The following SAMTOR variants were observed in gnomAD, a reference collection of about 807,000 sequenced individuals.
SAMTOR encodes the protein S-adenosylmethionine sensor upstream of mTORC1, also known as UPF0532 protein C7orf60.
the SAMTOR span, among the ~76,000 whole-genome samples, chr7:112,934,078 T>C: frequency 6.6e-6 from 1 of 152,322 alleles, no homozygotes; most frequent in East Asian, 1.9e-4. Context: ...ATGAACACCT[T>C]CACTCTACTG....
chr7:112,844,101 A>G, the SAMTOR span, among the ~76,000 whole-genome samples: 3 of 152,256 alleles, frequency 2.0e-5, no homozygotes, highest in African/African-American at 7.2e-5. Context: ...AAAACTCTCA[A>G]TAAACTAGGC....
chr7:112,855,997 G>A, the SAMTOR span, among the ~76,000 whole-genome samples: 1 of 152,014 alleles, frequency 6.6e-6, no homozygotes, highest in Admixed American at 6.6e-5. Context: ...AGAGTGACAT[G>A]GAAATACTGA....
At chr7:112,925,390 G>A in the SAMTOR span, among the ~76,000 whole-genome samples, 12 of 152,314 alleles carry the variant, frequency 7.9e-5, no homozygotes, top group African/African-American at 2.6e-4. Flanking sequence ...TATATGTGCT[G>A]TTAATAGGAG....
At chr7:112,876,032 C>CAG in the SAMTOR span, among the ~76,000 whole-genome samples, 1 of 152,146 alleles carries the variant, frequency 6.6e-6, no homozygotes, top group African/African-American at 2.4e-5. Flanking sequence ...GCAATCTTAG[C>CAG]TCACCACAGC....
the SAMTOR span, among the ~76,000 whole-genome samples, chr7:112,898,127 C>A: frequency 6.6e-6 from 1 of 152,212 alleles, no homozygotes; most frequent in Non-Finnish European, 1.5e-5. Context: ...CTTGAACAGA[C>A]AGAAAGAAGT....
chr7:112,939,719 G>T, the SAMTOR span: 1 of 1,607,436 alleles, frequency 6.2e-7, no homozygotes. Flanking sequence ...CTGCGCACGA[G>T]CAGTATTTCG....
At chr7:112,846,691 C>T in the SAMTOR span, among the ~76,000 whole-genome samples, 14 of 152,136 alleles carry the variant, frequency 9.2e-5, no homozygotes, top group Admixed American at 6.6e-4. Flanking sequence ...AATATGTGGC[C>T]AACTTCTAAC....
chr7:112,867,156 T>C, the SAMTOR span, among the ~76,000 whole-genome samples: 1 of 152,164 alleles, frequency 6.6e-6, no homozygotes, highest in East Asian at 1.9e-4. Flanking sequence ...CTGAATGAAA[T>C]GAAAATTAAA....
the SAMTOR span, among the ~76,000 whole-genome samples, chr7:112,923,756 C>T: frequency 2.6e-5 from 4 of 151,742 alleles, no homozygotes; most frequent in Non-Finnish European, 2.9e-5. Flanking sequence ...ATGTTTATTG[C>T]GGCACTATTC....
At chr7:112,922,568 C>T in the SAMTOR span, among the ~76,000 whole-genome samples, 462 of 151,908 alleles carry the variant, frequency 3.0e-3, 5 homozygotes, top group African/African-American at 0.011. Context: ...TCTACCCAGC[C>T]GCCCATCGTC....
chr7:112,832,241 CTG>C, the SAMTOR span, among the ~76,000 whole-genome samples: 13 of 152,064 alleles, frequency 8.5e-5, no homozygotes. Flanking sequence ...TCTCAAACTC[CTG>C]ACCTCAGGTG....
chr7:112,922,450 C>T, the SAMTOR span, among the ~76,000 whole-genome samples: 1 of 151,830 alleles, frequency 6.6e-6, no homozygotes, highest in Non-Finnish European at 1.5e-5. Flanking sequence ...CTCTGCCTGG[C>T]TGCTCAGTCT....
At chr7:112,932,248 AC>A in the SAMTOR span, among the ~76,000 whole-genome samples, 1 of 152,080 alleles carries the variant, frequency 6.6e-6, no homozygotes. Flanking sequence ...TTTATTACCA[AC>A]ATACAGAGAG....
the SAMTOR span, among the ~76,000 whole-genome samples, chr7:112,884,591 T>C: frequency 6.6e-6 from 1 of 152,196 alleles, no homozygotes; most frequent in East Asian, 1.9e-4. Context: ...AATGATCTCC[T>C]TGGACTCCAT....
At chr7:112,910,613 AATG>A in the SAMTOR span, among the ~76,000 whole-genome samples, 6 of 152,154 alleles carry the variant, frequency 3.9e-5, no homozygotes, top group Admixed American at 3.9e-4. Flanking sequence ...ACCTTAACCA[AATG>A]ATAACATTTA....
chr7:112,864,513 G>A, the SAMTOR span, among the ~76,000 whole-genome samples: 1 of 152,106 alleles, frequency 6.6e-6, no homozygotes, highest in African/African-American at 2.4e-5. Flanking sequence ...AAAGATCTTT[G>A]GGGGGTAGGC....
the SAMTOR span, among the ~76,000 whole-genome samples, chr7:112,857,684 C>A: frequency 6.6e-6 from 1 of 152,248 alleles, no homozygotes; most frequent in Non-Finnish European, 1.5e-5. Context: ...AGAAAAGGTA[C>A]CCCCAGCTTC....
the SAMTOR span, among the ~76,000 whole-genome samples, chr7:112,920,241 C>T: frequency 6.6e-6 from 1 of 152,168 alleles, no homozygotes; most frequent in Admixed American, 6.5e-5. Flanking sequence ...CATCAAAAAG[C>T]TTATCCGCCA....
the SAMTOR span, among the ~76,000 whole-genome samples, chr7:112,908,156 T>G: frequency 3.9e-5 from 6 of 152,160 alleles, no homozygotes; most frequent in African/African-American, 1.4e-4. Flanking sequence ...ATCTTAGGTG[T>G]TTCTTTGAGG....
Sources: allele counts gnomAD v4.1 joint callset (sites outside exome capture counted in the v4.1 genomes callset), GRCh38; gene constraint gnomAD v4.1.1; transcripts MANE v1.5; gene names NCBI Gene and HGNC (gene_info 2026-07-23, HGNC 2026-07-21).